Variants in DLGAP1 observed in about 807,000 individuals in gnomAD.
DLGAP1 encodes the protein disks large-associated protein 1.
A neutral mutation model predicts 90.8 loss-of-function variants in DLGAP1; 11 were observed. The observed-to-expected ratio is 0.12, with a 90% confidence interval of 0.08 to 0.20. The LOEUF is 0.20. Among genes scored for constraint, DLGAP1 ranks in the 10% least tolerant of loss-of-function variants. The probability of loss-of-function intolerance (pLI) is 1.00; values close to 1 mark genes in which losing one functional copy is unlikely to be tolerated. For synonymous variants in DLGAP1, 558 were observed against 540.7 expected, an observed-to-expected ratio of 1.03 and a Z score of -0.44; for missense variants, 1,050 against 1,333.8, an observed-to-expected ratio of 0.79 and a Z score of 3.31.
intron 1 of DLGAP1, among the ~76,000 whole-genome samples, chr18:4,233,198 T>C (rs994405275): frequency 9.2e-5 from 14 of 152,104 alleles, no homozygotes; most frequent in Admixed American, 7.9e-4. Context: ...ACTATAGATT[T>C]TACTTATTTC....
intron 9 of DLGAP1, among the ~76,000 whole-genome samples, chr18:3,540,592 C>A (rs913343995): frequency 3.3e-5 from 5 of 151,816 alleles, no homozygotes; most frequent in Non-Finnish European, 5.9e-5. Flanking sequence ...GCATAAGCAT[C>A]CCTTGTGCAA....
At chr18:3,741,248 A>T in intron 6 of DLGAP1, among the ~76,000 whole-genome samples, 1 of 107,986 alleles carries the variant, frequency 9.3e-6, no homozygotes, top group South Asian at 3.3e-4. Context: ...CACCATCACC[A>T]TCACCACCAC....
chr18:3,933,414 T>C (rs1278492005), intron 3 of DLGAP1, among the ~76,000 whole-genome samples: 2 of 152,232 alleles, frequency 1.3e-5, no homozygotes, highest in Non-Finnish European at 2.9e-5. Flanking sequence ...CAAGACCCCA[T>C]TTCTGCTAAG....
chr18:3,584,745 A>G (rs1290257839), intron 7 of DLGAP1, among the ~76,000 whole-genome samples: 1 of 152,086 alleles, frequency 6.6e-6, no homozygotes, highest in African/African-American at 2.4e-5. Flanking sequence ...CTCATGAAAC[A>G]CACAACTTCA....
In DLGAP1 at chr18:3,514,109, C is replaced by CTT. The variant is rs11402114; in HGVS notation, c.2480-5450_2480-5449dup. On this transcript the variant is annotated intron_variant, in intron 10 of 12. Coordinates refer to ENST00000315677, the MANE Select transcript of DLGAP1 (RefSeq NM_004746.4). ...GACGTGCTCATTTCTCTGACTGCTTCTTTTTTTTTTTTTTGAGACAAGAGT... is the reference window on the plus strand; with the variant it reads ...GACGTGCTCATTTCTCTGACTGCTTCTTTTTTTTTTTTTTTTGAGACAAGAGT... Among the ~76,000 whole-genome samples the CTT allele has an allele frequency of 1.2e-3, 174 of 145,506 alleles. 3 individuals carry two copies. Among genetic ancestry groups the CTT allele is most frequent in the East Asian group, 4.9e-3 (24 of 4,944 alleles).
chr18:3,684,744 G>C (rs1164994101), intron 7 of DLGAP1, among the ~76,000 whole-genome samples: 2 of 150,450 alleles, frequency 1.3e-5, no homozygotes, highest in East Asian at 3.9e-4. Context: ...TTCTCTACAG[G>C]AGAAAAATTG....
intron 10 of DLGAP1, among the ~76,000 whole-genome samples, chr18:3,518,637 C>T (rs771595894): frequency 1.3e-5 from 2 of 152,138 alleles, no homozygotes; most frequent in African/African-American, 2.4e-5. Flanking sequence ...AATCAGCTCA[C>T]CAATTACCAG....
chr18:4,009,004 C>A (rs753793135), intron 2 of DLGAP1, among the ~76,000 whole-genome samples: 1 of 152,160 alleles, frequency 6.6e-6, no homozygotes, highest in Non-Finnish European at 1.5e-5. Context: ...CCCGGGTTCA[C>A]GCCGTTCTCC....
chr18:3,803,138 C>G (rs2066391472), intron 5 of DLGAP1, among the ~76,000 whole-genome samples: 3 of 151,998 alleles, frequency 2.0e-5, no homozygotes, highest in Admixed American at 2.0e-4. Flanking sequence ...GATGACAAAA[C>G]TGAATATGGA....
intron 2 of DLGAP1, among the ~76,000 whole-genome samples, chr18:4,049,598 C>G (rs576009876): frequency 3.9e-5 from 6 of 152,172 alleles, no homozygotes; most frequent in East Asian, 1.9e-4. Flanking sequence ...TTCTGGTAAA[C>G]TGCTAAGCAT....
chr18:3,881,814 G>A (rs2071178382), intron 3 of DLGAP1, among the ~76,000 whole-genome samples: 1 of 152,156 alleles, frequency 6.6e-6, no homozygotes, highest in African/African-American at 2.4e-5. Context: ...TCGGGAGGCT[G>A]AGGCAGGAGA....
intron 1 of DLGAP1, among the ~76,000 whole-genome samples, chr18:4,229,879 A>G (rs1352351932): frequency 6.6e-6 from 1 of 152,102 alleles, no homozygotes; most frequent in Non-Finnish European, 1.5e-5. Flanking sequence ...AATGTTTGCA[A>G]ACTGCCCATC....
chr18:3,590,997 T>C (rs1189810859), intron 7 of DLGAP1, among the ~76,000 whole-genome samples: 3 of 152,226 alleles, frequency 2.0e-5, no homozygotes, highest in Non-Finnish European at 4.4e-5. Context: ...GGTTTGTTTT[T>C]TGTATGTCTT....
intron 1 of DLGAP1, among the ~76,000 whole-genome samples, chr18:4,184,618 T>A (rs148121708): frequency 2.7e-3 from 404 of 152,182 alleles, no homozygotes; most frequent in Non-Finnish European, 4.4e-3. Flanking sequence ...GTAAACACAC[T>A]ACCCAGGATC....
rs1213363278 is a variant in DLGAP1 at position 4,192,396 on chromosome 18, TC to T, written c.-266-41110del. Among the ~76,000 whole-genome samples, 2 of 152,132 alleles carry T rather than the reference TC, an allele frequency of 1.3e-5. 1 individual carries two copies. Among genetic ancestry groups the T allele is most frequent in the East Asian group, 3.8e-4 (2 of 5,196 alleles). On this transcript the variant is annotated intron_variant, in intron 1 of 12. Coordinates refer to ENST00000315677, the MANE Select transcript of DLGAP1 (RefSeq NM_004746.4). ...CATGTCATTTGATAACGACTGCAACTCATCCTTCCTCCCCAAGCAGCCAGCA... is the reference window on the plus strand; with the variant it reads ...CATGTCATTTGATAACGACTGCAACTATCCTTCCTCCCCAAGCAGCCAGCA...
intron 1 of DLGAP1, among the ~76,000 whole-genome samples, chr18:4,412,122 G>C (rs2144618713): frequency 6.6e-6 from 1 of 152,276 alleles, no homozygotes; most frequent in Non-Finnish European, 1.5e-5. Context: ...ATAGGCTGAT[G>C]ATAAGGCTCA....
At chr18:4,317,050 C>G (rs559233147) in intron 1 of DLGAP1, among the ~76,000 whole-genome samples, 27 of 152,276 alleles carry the variant, frequency 1.8e-4, no homozygotes, top group African/African-American at 6.5e-4. Flanking sequence ...ACATGAGATA[C>G]CACCAGCAGA....
At position 3,758,129 on chromosome 18, in the gene DLGAP1, C is replaced by T. The variant is rs1212608736; in HGVS notation, c.1173-15617G>A. On this transcript the variant is annotated intron_variant, in intron 5 of 12. Coordinates refer to ENST00000315677, the MANE Select transcript of DLGAP1 (RefSeq NM_004746.4). The stretch of plus-strand genomic sequence containing the variant: ...CTTGAGAAAAAAAAAAAAAAAAAGA[C>T]TGAGAGCAAGGCGAGGATAACTGTT... Among the ~76,000 whole-genome samples the T allele has an allele frequency of 6.7e-5, 10 of 148,720 alleles. No homozygotes were observed. The East Asian group carries it at 1.8e-3, about 26-fold the overall frequency.
Position 3,729,098 on chromosome 18 carries a change from C to A in DLGAP1, c.1591+37G>T, listed in dbSNP as rs749368156. 2 of 1,573,502 alleles carry A rather than the reference C, an allele frequency of 1.3e-6. No individual in the cohort carries two copies. The highest frequency in any genetic ancestry group is 1.2e-5 in the South Asian group (1 of 86,546). On this transcript the variant is annotated intron_variant, in intron 7 of 12. Coordinates refer to ENST00000315677, the MANE Select transcript of DLGAP1 (RefSeq NM_004746.4). The surrounding 1 kb of genome is among the most constrained non-coding windows in gnomAD (Gnocchi z 6.2). ...TTGGGGACAGTCGTGCCATAGCCAGCACAGGGGCCAGGCTGGCTGAGGGCC... is the reference window on the plus strand; with the variant it reads ...TTGGGGACAGTCGTGCCATAGCCAGAACAGGGGCCAGGCTGGCTGAGGGCC...
Sources: allele counts gnomAD v4.1 joint callset (sites outside exome capture counted in the v4.1 genomes callset), GRCh38; gene constraint gnomAD v4.1.1; non-coding constraint Gnocchi (gnomAD v3.1); transcripts MANE v1.5; gene names NCBI Gene and HGNC (gene_info 2026-07-23, HGNC 2026-07-21).